NEBL: variants seen among roughly 807,000 people sequenced by gnomAD.
NEBL encodes nebulette.
A neutral mutation model predicts 140.2 loss-of-function variants in NEBL; 122 were observed. The ratio of observed to expected loss-of-function variants is 0.87; its 90% CI spans 0.75 to 1.01. The LOEUF is 1.01. Ranked by LOEUF, NEBL falls within the 50% of genes least tolerant of loss-of-function variation. The pLI, the probability that NEBL is intolerant of heterozygous loss-of-function variation, is 0.00. For synonymous variants in NEBL, 436 were observed against 398.9 expected (o/e 1.09, Z -1.11); for missense variants, 1,365 against 1,231.3 (o/e 1.11, Z -1.62).
intron 2 of NEBL, among the ~76,000 whole-genome samples, chr10:21,119,244 A>G (rs1226640322): frequency 6.6e-6 from 1 of 152,064 alleles, no homozygotes; most frequent in East Asian, 1.9e-4. Context: ...TCTCTAACAC[A>G]AAGTTCTTTC....
chr10:20,868,334 G>GTGTGTT (rs1282954324), intron 7 of NEBL: 7 of 268,442 alleles, frequency 2.6e-5, no homozygotes, highest in African/African-American at 1.5e-4. Context: ...GTGTGTGTGT[G>GTGTGTT]TGTGTGTAGG....
At chr10:21,228,656 T>A (rs1842204857) in intron 3 of NEBL, among the ~76,000 whole-genome samples, 1 of 152,230 alleles carries the variant, frequency 6.6e-6, no homozygotes, top group Non-Finnish European at 1.5e-5. Context: ...CAGTCATTTT[T>A]AAAAATTAAA....
At chr10:21,204,441 T>TTC (rs144254048) in intron 3 of NEBL, among the ~76,000 whole-genome samples, 3 of 150,756 alleles carry the variant, frequency 2.0e-5, no homozygotes, top group East Asian at 1.9e-4. Context: ...CTCTCTTTCT[T>TTC]TCTCTCTCTC....
intron 2 of NEBL, among the ~76,000 whole-genome samples, chr10:21,026,929 T>G (rs1392048702): frequency 1.3e-5 from 2 of 152,092 alleles, no homozygotes; most frequent in Non-Finnish European, 2.9e-5. Flanking sequence ...GATAACCCAC[T>G]CCCCCTCTTG....
Position 20,823,230 on chromosome 10 carries a change from T to G in NEBL, c.1940A>C (p.Glu647Ala). 2.5e-6 allele frequency: 4 copies of G among 1,608,278 alleles called. No homozygotes were observed. The highest frequency in any genetic ancestry group is 1.1e-5 in the South Asian group (1 of 90,800). Residue 647 changes from glutamate (E) to alanine (A), a missense_variant, in exon 19 of 28, where the codon GAA becomes GCA. By Grantham distance (107) the Glu-to-Ala change is moderately radical. This residue lies in a region of NEBL where 1,323 missense variants were observed against 1,154.8 expected (regional missense o/e 1.15). Coordinates refer to ENST00000377122, the MANE Select transcript of NEBL (RefSeq NM_006393.3). ...CACATTGCTGATGTTCTTCTGGTTT[T>G]CTTTAACTCTCTTTAGTTCTGGAGG... is the stretch of plus-strand genomic sequence containing the variant. ...SDPPELKRVK[E>A]NQKNISNLQY...
At chr10:21,090,565 T>C (rs1836865027) in intron 2 of NEBL, among the ~76,000 whole-genome samples, 1 of 152,224 alleles carries the variant, frequency 6.6e-6, no homozygotes. Flanking sequence ...TTCCCTCCTT[T>C]GTTTTCTCTC....
At chr10:20,914,036 C>CCT (rs1473899848) in intron 4 of NEBL, among the ~76,000 whole-genome samples, 1 of 152,194 alleles carries the variant, frequency 6.6e-6, no homozygotes, top group African/African-American at 2.4e-5. Flanking sequence ...GGTTCAACCT[C>CCT]CTCTGCACAG....
chr10:21,249,967 G>A (rs12762293), intron 2 of NEBL, among the ~76,000 whole-genome samples: 29,069 of 152,004 alleles, frequency 0.19, 3,179 homozygotes, highest in African/African-American at 0.29. Flanking sequence ...GGGAGGCTGA[G>A]GTACAAGTAT....
chr10:20,915,345 G>T (rs1443286563), intron 4 of NEBL, among the ~76,000 whole-genome samples: 3 of 150,614 alleles, frequency 2.0e-5, no homozygotes, highest in Non-Finnish European at 4.4e-5. Context: ...ATGCTGGTGC[G>T]CTGCACCCAC....
At chr10:21,051,187 C>G (rs1338272843) in intron 2 of NEBL, among the ~76,000 whole-genome samples, 1 of 152,194 alleles carries the variant, frequency 6.6e-6, no homozygotes, top group Non-Finnish European at 1.5e-5. Flanking sequence ...ATACCCCTTA[C>G]ACAAGAAGCC....
chr10:20,840,539 G>C (rs1841316499), intron 13 of NEBL, among the ~76,000 whole-genome samples, 200 bp downstream of exon 13: 1 of 152,046 alleles, frequency 6.6e-6, no homozygotes, highest in Non-Finnish European at 1.5e-5. Flanking sequence ...CCAAAGTGGG[G>C]AAACGGCCAT....
chr10:20,982,256 G>T (rs1288365884), intron 3 of NEBL, among the ~76,000 whole-genome samples: 1 of 152,218 alleles, frequency 6.6e-6, no homozygotes, highest in East Asian at 1.9e-4. Flanking sequence ...TTTTTTGACA[G>T]ATCCTCAGAT....
At chr10:20,850,606 A>G in intron 10 of NEBL, 104 bp from the exon 11 acceptor site, 1 of 783,352 alleles carries the variant, frequency 1.3e-6, no homozygotes, top group South Asian at 1.5e-5. Context: ...GTTGTCTAAA[A>G]TCATATTATT....
At chr10:20,792,070 T>G (rs1019432667) in intron 26 of NEBL, among the ~76,000 whole-genome samples, 4 of 151,512 alleles carry the variant, frequency 2.6e-5, no homozygotes, top group African/African-American at 4.8e-5. Context: ...GGTGAAGGTT[T>G]TGAAGGCCCC....
At chr10:21,020,557 C>T (rs1307833686) in intron 2 of NEBL, among the ~76,000 whole-genome samples, 1 of 152,194 alleles carries the variant, frequency 6.6e-6, no homozygotes, top group Non-Finnish European at 1.5e-5. Flanking sequence ...ACAAAGAAGC[C>T]TCACCTCACA....
chr10:21,030,008 C>G (rs1243002536), intron 2 of NEBL: 1 of 495,204 alleles, frequency 2.0e-6, no homozygotes, highest in African/African-American at 1.9e-5. Flanking sequence ...AAGACCCAAA[C>G]TGAATCTAAA....
At chr10:20,814,617 T>TACACACACAC (rs3990287) in intron 22 of NEBL, among the ~76,000 whole-genome samples, 12,270 of 146,408 alleles carry the variant, frequency 0.084, 551 homozygotes, top group Middle Eastern at 0.14. Flanking sequence ...CATACACACA[T>TACACACACAC]ACACACACAC....
chr10:21,096,246 A>G (rs1277419142), intron 2 of NEBL, among the ~76,000 whole-genome samples: 2 of 151,928 alleles, frequency 1.3e-5, no homozygotes, highest in Admixed American at 6.6e-5. Context: ...CTCTCTTCCC[A>G]CTGTCCTTTG....
Position 20,815,689 on chromosome 10 carries a change from G to T in NEBL, c.2177C>A (p.Ala726Asp). Residue 726 changes from alanine to aspartate, a missense_variant, in exon 22 of 28, where the codon GCT (alanine) becomes GAT (aspartate). Coordinates refer to ENST00000377122, the MANE Select transcript of NEBL (RefSeq NM_006393.3). ...TTCAGGAGTTACACTTAAAGTGGTA[G>T]CTCTTCCCAGCTGACCTCTGTAATA... ...NVYYRGQLGRATTLSVTPEME... is the reference protein window; with the variant it reads ...NVYYRGQLGRDTTLSVTPEME... The T allele has an allele frequency of 6.2e-7, 1 of 1,610,628 alleles. No homozygotes were observed. The highest frequency in any genetic ancestry group is 8.5e-7 in the Non-Finnish European group (1 of 1,177,022).
Sources: gnomAD v4.1 joint callset for allele counts (sites outside exome capture counted in the v4.1 genomes callset) on GRCh38, gnomAD v4.1.1 for gene constraint, gnomAD v4.1.1 regional missense constraint, MANE v1.5 for transcripts, NCBI Gene and HGNC (gene_info 2026-07-23, HGNC 2026-07-21) for gene names.